The following SRRM3 variants were observed in gnomAD, a reference collection of about 807,000 sequenced individuals.
SRRM3 encodes the protein serine/arginine repetitive matrix protein 3.
A neutral mutation model predicts 66.2 loss-of-function variants in SRRM3; 27 were observed. The ratio of observed to expected loss-of-function variants is 0.41; its 90% confidence interval spans 0.30 to 0.56. The LOEUF (loss-of-function observed/expected upper bound fraction) is 0.56. Ranked by LOEUF, SRRM3 falls within the 20% of genes least tolerant of loss-of-function variation. SRRM3 has a pLI of 0.32. For missense variants in SRRM3, 918 were observed against 991.9 expected (o/e 0.93, Z 1.00); for synonymous variants, 391 against 414.9 (o/e 0.94, Z 0.70).
At position 76,276,080 on chromosome 7, in the gene SRRM3, CAA is replaced by C. The variant is rs1265237301; in HGVS notation, c.1009-5356_1009-5355del. On this transcript the variant is annotated intron_variant, in intron 11 of 14. Transcript: ENST00000611745. ...GGGCAGCAGAGCCAGACCCCCATCT[CAA>C]AAAATATATATATATATATATTACA... is the stretch of plus-strand genomic sequence containing the variant. 5.3e-3 allele frequency among the ~76,000 whole-genome samples: 730 copies of C among 138,910 alleles called. 4 individuals are homozygous for C. Among genetic ancestry groups the C allele is most frequent in the African/African-American group, 0.022 (674 of 31,348 alleles). The allele number at this position is 138,910 out of a possible 152,430, so 91.1% of individuals were successfully genotyped here. A position where few individuals can be genotyped will look rare whatever the true frequency, so the allele number is the denominator to read the frequency against.
chr7:76,239,987 A>C (rs1554605405), intron 2 of SRRM3, among the ~76,000 whole-genome samples: 1 of 149,944 alleles, frequency 6.7e-6, no homozygotes, highest in Non-Finnish European at 1.5e-5. Flanking sequence ...AACATGATGA[A>C]ACCCCATCTC....
intron 11 of SRRM3, among the ~76,000 whole-genome samples, chr7:76,276,138 T>C (rs1802343881): frequency 6.6e-6 from 1 of 151,376 alleles, no homozygotes; most frequent in Non-Finnish European, 1.5e-5. Flanking sequence ...AGGTAGCAAG[T>C]CATAAAAAGG....
chr7:76,254,882 G>A (rs1444071808), intron 3 of SRRM3, among the ~76,000 whole-genome samples: 3 of 152,094 alleles, frequency 2.0e-5, no homozygotes, highest in African/African-American at 7.2e-5. Context: ...GCCTCAGGAA[G>A]AGGAGCATGG....
chr7:76,232,293 G>A (rs1382673561), intron 1 of SRRM3, among the ~76,000 whole-genome samples: 27 of 152,122 alleles, frequency 1.8e-4, no homozygotes, highest in African/African-American at 6.3e-4. Context: ...AGCACTTTGG[G>A]AGGGCAGATC....
chr7:76,215,413 T>A (rs1800538277), intron 1 of SRRM3, among the ~76,000 whole-genome samples: 1 of 147,494 alleles, frequency 6.8e-6, no homozygotes, highest in African/African-American at 2.5e-5. Context: ...TTTTTTTTTT[T>A]TTTTTTTAGA....
chr7:76,240,537 G>A (rs1405245207), intron 2 of SRRM3, among the ~76,000 whole-genome samples: 4 of 150,296 alleles, frequency 2.7e-5, no homozygotes, highest in South Asian at 2.1e-4. Flanking sequence ...GCAGAATGGC[G>A]TGAACCCGGG....
chr7:76,240,635 A>G, intron 2 of SRRM3, among the ~76,000 whole-genome samples: 1 of 148,658 alleles, frequency 6.7e-6, no homozygotes, highest in East Asian at 2.0e-4. Flanking sequence ...AAAAAAAAAA[A>G]AACATTTTTC....
chr7:76,283,283 C>T (rs1802579682), intron 14 of SRRM3, among the ~76,000 whole-genome samples, 182 bp downstream of exon 14: 1 of 151,128 alleles, frequency 6.6e-6, no homozygotes, highest in African/African-American at 2.4e-5. Context: ...GAGGAGGGGG[C>T]TAGAACTGGA....
At chr7:76,227,266 C>A (rs1020158855) in intron 1 of SRRM3, among the ~76,000 whole-genome samples, 5 of 152,180 alleles carry the variant, frequency 3.3e-5, no homozygotes, top group Non-Finnish European at 7.3e-5. Context: ...TCAATGCCCC[C>A]AAAGACCAGA....
intron 1 of SRRM3, among the ~76,000 whole-genome samples, chr7:76,214,207 G>A (rs1171277733): frequency 3.9e-5 from 6 of 152,080 alleles, no homozygotes; most frequent in Non-Finnish European, 8.8e-5. Context: ...GTACCCTGAT[G>A]GAGATTCTCG....
At position 76,265,477 on chromosome 7, in the gene SRRM3, G is replaced by C; in HGVS notation, c.830+9G>C. The C allele has an allele frequency of 3.8e-6, 6 of 1,594,298 alleles. No individual in the cohort carries two copies. The highest frequency in any genetic ancestry group is 5.1e-6 in the Non-Finnish European group (6 of 1,170,036). ...TCCAGATCTCCCAGCAGGTAGGCCTGGGCCTCTGGGAGGCTTTCTCCTGGT... is the reference window on the plus strand; with the variant it reads ...TCCAGATCTCCCAGCAGGTAGGCCTCGGCCTCTGGGAGGCTTTCTCCTGGT... On this transcript the variant is annotated intron_variant, in intron 10 of 14. Coordinates refer to ENST00000611745, the MANE Select transcript of SRRM3 (RefSeq NM_001110199.3).
At chr7:76,247,825 G>T (rs1381838751) in intron 2 of SRRM3, among the ~76,000 whole-genome samples, 5 of 152,160 alleles carry the variant, frequency 3.3e-5, no homozygotes, top group African/African-American at 1.2e-4. Flanking sequence ...CTCCTGAGTA[G>T]CGGGGATTGC....
At chr7:76,218,973 G>T (rs77070781) in intron 1 of SRRM3, among the ~76,000 whole-genome samples, 8 of 152,252 alleles carry the variant, frequency 5.3e-5, no homozygotes, top group African/African-American at 1.9e-4. Flanking sequence ...TCCTGCCTCA[G>T]CCTCCCAAGT....
intron 11 of SRRM3, among the ~76,000 whole-genome samples, chr7:76,277,612 C>T (rs1802379904): frequency 6.6e-6 from 1 of 151,306 alleles, no homozygotes; most frequent in African/African-American, 2.4e-5. Flanking sequence ...GCAGGAGAAT[C>T]ACTTGAACCT....
chr7:76,261,448 T>A, intron 7 of SRRM3, 34 bp downstream of exon 7: 1 of 1,591,846 alleles, frequency 6.3e-7, no homozygotes, highest in Non-Finnish European at 8.6e-7. Flanking sequence ...GGGCCTCCTC[T>A]TCCTCCCGTG....
chr7:76,278,544 G>A (rs1478464869), intron 11 of SRRM3, among the ~76,000 whole-genome samples: 5 of 152,056 alleles, frequency 3.3e-5, no homozygotes, highest in Non-Finnish European at 5.9e-5. Flanking sequence ...AACTCTCCTA[G>A]CCTAGGGTGA....
intron 1 of SRRM3, among the ~76,000 whole-genome samples, chr7:76,219,645 A>G (rs1230669315): frequency 6.6e-6 from 1 of 152,198 alleles, no homozygotes; most frequent in East Asian, 1.9e-4. Flanking sequence ...GCGGTGGCTC[A>G]CACCTGTCAT....
Position 76,246,703 on chromosome 7 carries a change from G to A in SRRM3, c.234-1485G>A, listed in dbSNP as rs1801453011. Among the ~76,000 whole-genome samples, 3 of 152,304 alleles carry A rather than the reference G, an allele frequency of 2.0e-5. No homozygotes were observed. In the South Asian group the frequency reaches 6.2e-4, roughly 32 times the overall value. ...AGGGCATCTTGCTGGGAGAAGCTGG[G>A]GACCCCGGGATGACATCTGGCTACT... is the stretch of plus-strand genomic sequence containing the variant. On this transcript the variant is annotated intron_variant, in intron 2 of 14. Coordinates refer to ENST00000611745, the MANE Select transcript of SRRM3 (RefSeq NM_001110199.3).
At chr7:76,279,365 G>A (rs568130838) in intron 11 of SRRM3, among the ~76,000 whole-genome samples, 2 of 151,952 alleles carry the variant, frequency 1.3e-5, no homozygotes, top group Non-Finnish European at 2.9e-5. Flanking sequence ...AGTTTTACTA[G>A]GTGCCAAGTT....
Sources: allele counts gnomAD v4.1 joint callset (sites outside exome capture counted in the v4.1 genomes callset), GRCh38; gene constraint gnomAD v4.1.1; transcripts MANE v1.5; gene names NCBI Gene and HGNC (gene_info 2026-07-23, HGNC 2026-07-21).